The following AXDND1 variants were observed in gnomAD, a reference collection of about 807,000 sequenced individuals.
AXDND1 encodes axonemal dynein light chain domain containing 1.
Under a neutral mutation model 137.5 loss-of-function variants are expected in AXDND1, and 110 were observed. That is an observed-to-expected ratio of 0.80 (90% CI 0.69 to 0.94). The LOEUF is 0.94. AXDND1 is among the 40% of genes least tolerant of loss of function. AXDND1 has a pLI of 0.00. For synonymous variants in AXDND1, 414 were observed against 399.7 expected (o/e 1.04, Z -0.43); for missense variants, 1,191 against 1,169.8 (o/e 1.02, Z -0.26).
At chr1:179,541,740 C>T (rs547645778) in intron 25 of AXDND1, among the ~76,000 whole-genome samples, 17 of 151,762 alleles carry the variant, frequency 1.1e-4, no homozygotes, top group Non-Finnish European at 2.2e-4. Context: ...TAATTTCACA[C>T]GTGAGAATCT....
intron 25 of AXDND1, among the ~76,000 whole-genome samples, chr1:179,547,487 C>T (rs766458646): frequency 4.6e-5 from 7 of 152,166 alleles, no homozygotes; most frequent in African/African-American, 9.7e-5. Flanking sequence ...CAGCAAAGAA[C>T]GTGTAAGGCA....
At chr1:179,477,348 A>G (rs1664761440) in intron 17 of AXDND1, among the ~76,000 whole-genome samples, 1 of 152,192 alleles carries the variant, frequency 6.6e-6, no homozygotes, top group African/African-American at 2.4e-5. Context: ...GACATACCCA[A>G]GACTGGGCAA....
intron 16 of AXDND1, chr1:179,456,583 AACC>A: frequency 1.3e-6 from 1 of 778,678 alleles, no homozygotes; most frequent in South Asian, 1.4e-5. Flanking sequence ...CCTCCTCCAT[AACC>A]ACCATCATTA....
intron 21 of AXDND1, among the ~76,000 whole-genome samples, chr1:179,514,817 G>T (rs1351349133): frequency 1.3e-5 from 2 of 152,142 alleles, no homozygotes; most frequent in African/African-American, 2.4e-5. Flanking sequence ...ATTATATAAT[G>T]TCCCTCTTTG....
intron 16 of AXDND1, among the ~76,000 whole-genome samples, chr1:179,459,221 G>T (rs1661853743): frequency 6.6e-6 from 1 of 151,908 alleles, no homozygotes; most frequent in African/African-American, 2.4e-5. Flanking sequence ...TGAACTCCTG[G>T]GTTCAAACAA....
chr1:179,371,010 A>G (rs1462460072), intron 4 of AXDND1, among the ~76,000 whole-genome samples: 2 of 152,196 alleles, frequency 1.3e-5, no homozygotes, highest in African/African-American at 4.8e-5. Flanking sequence ...GAGGCTTTAT[A>G]TTTTATTCTA....
At position 179,461,002 on chromosome 1, in the gene AXDND1, G is replaced by T. The variant is rs1662242658; in HGVS notation, c.1799-7441G>T. Among the ~76,000 whole-genome samples the T allele has an allele frequency of 2.6e-5, 4 of 152,134 alleles. No homozygotes were observed. In the South Asian group the frequency reaches 8.3e-4, roughly 32 times the overall value. On this transcript the variant is annotated intron_variant, in intron 16 of 25. Coordinates refer to ENST00000367618, the MANE Select transcript of AXDND1 (RefSeq NM_144696.6). ...AAAATTTTCTCCCATTCTGTAGGTTGCTTGTTCACTCTGATGGTAGTTTCT... is the reference window on the plus strand; with the variant it reads ...AAAATTTTCTCCCATTCTGTAGGTTTCTTGTTCACTCTGATGGTAGTTTCT...
chr1:179,547,320 C>T (rs1339253870), intron 25 of AXDND1, among the ~76,000 whole-genome samples: 1 of 152,182 alleles, frequency 6.6e-6, no homozygotes, highest in African/African-American at 2.4e-5. Flanking sequence ...CCATCACTGC[C>T]TCAGAAAAAT....
At chr1:179,411,318 T>A in intron 12 of AXDND1, 52 bp downstream of exon 12, 1 of 1,577,818 alleles carries the variant, frequency 6.3e-7, no homozygotes, top group Non-Finnish European at 8.6e-7. Flanking sequence ...TAAAGATTCA[T>A]TCTACAGTTT....
chr1:179,500,339 G>A (rs186749389), intron 20 of AXDND1, among the ~76,000 whole-genome samples: 1 of 52,320 alleles, frequency 1.9e-5, no homozygotes, highest in South Asian at 6.6e-4. Context: ...GGTACATTAT[G>A]TGTGTGTGTG....
chr1:179,510,651 G>GA (rs948657890), intron 21 of AXDND1, among the ~76,000 whole-genome samples: 2 of 152,074 alleles, frequency 1.3e-5, no homozygotes, highest in African/African-American at 2.4e-5. Flanking sequence ...TCAGATCTAG[G>GA]AAAAAATCAA....
chr1:179,498,999 G>A (rs1667732646), intron 20 of AXDND1, among the ~76,000 whole-genome samples: 1 of 152,040 alleles, frequency 6.6e-6, no homozygotes, highest in African/African-American at 2.4e-5. Flanking sequence ...AATTAGTCTA[G>A]CCATCGTGGA....
chr1:179,516,924 G>T (rs1231550698), intron 21 of AXDND1, among the ~76,000 whole-genome samples: 1 of 152,194 alleles, frequency 6.6e-6, no homozygotes, highest in Non-Finnish European at 1.5e-5. Flanking sequence ...TTTTTGTGCT[G>T]CTTGGTCTCC....
intron 21 of AXDND1, among the ~76,000 whole-genome samples, chr1:179,525,090 T>C (rs1670407132): frequency 6.6e-6 from 1 of 152,196 alleles, no homozygotes; most frequent in African/African-American, 2.4e-5. Context: ...AACTCCCTCT[T>C]TTACCCAGTC....
At chr1:179,427,193 A>AC (rs1656701149) in intron 12 of AXDND1, among the ~76,000 whole-genome samples, 1 of 152,088 alleles carries the variant, frequency 6.6e-6, no homozygotes, top group African/African-American at 2.4e-5. Context: ...AAACAAACAA[A>AC]AAAAAACTAT....
At chr1:179,429,478 A>G in intron 12 of AXDND1, 40 bp from the exon 13 acceptor site, 1 of 1,063,124 alleles carries the variant, frequency 9.4e-7, no homozygotes, top group East Asian at 2.8e-5. Flanking sequence ...GTGGTTTGCT[A>G]ATGTTTTAGG....
chr1:179,461,463 A>G (rs913087868), intron 16 of AXDND1, among the ~76,000 whole-genome samples: 2 of 152,142 alleles, frequency 1.3e-5, no homozygotes, highest in African/African-American at 4.8e-5. Flanking sequence ...GCCTTGTAGT[A>G]TAGTTCGAAG....
intron 20 of AXDND1, among the ~76,000 whole-genome samples, chr1:179,499,815 G>A (rs1667812802): frequency 6.6e-6 from 1 of 151,998 alleles, no homozygotes; most frequent in African/African-American, 2.4e-5. Context: ...GATTATGAAG[G>A]ACATTATCAC....
chr1:179,392,690 T>C (rs762670885), intron 9 of AXDND1, among the ~76,000 whole-genome samples: 8 of 152,350 alleles, frequency 5.3e-5, no homozygotes, highest in South Asian at 4.1e-4. Context: ...TGATATTTCA[T>C]TGTAGTTTTA....
Sources: allele counts gnomAD v4.1 joint callset (sites outside exome capture counted in the v4.1 genomes callset), GRCh38; gene constraint gnomAD v4.1.1; transcripts MANE v1.5; gene names NCBI Gene and HGNC (gene_info 2026-07-23, HGNC 2026-07-21).